TRNT1: variants seen among roughly 807,000 people sequenced by gnomAD.
TRNT1 encodes tRNA nucleotidyl transferase 1, also known as CCA tRNA nucleotidyltransferase 1, mitochondrial.
Under a neutral mutation model 45.6 loss-of-function variants are expected in TRNT1, and 44 were observed. The observed-to-expected ratio is 0.97, with a 90% CI of 0.76 to 1.24. TRNT1 has a LOEUF of 1.24. TRNT1 is among the 50% of genes most tolerant of loss of function. The pLI is 0.00. For synonymous variants in TRNT1, 201 were observed against 171.4 expected, an observed-to-expected ratio of 1.17 and a Z score of -1.35; for missense variants, 633 against 504.4, an observed-to-expected ratio of 1.25 and a Z score of -2.44.
intron 4 of TRNT1, 129 bp from the exon 5 acceptor site, chr3:3,144,455 G>T (rs150731252): frequency 3.7e-6 from 3 of 819,464 alleles, no homozygotes; most frequent in African/African-American, 3.5e-5. Context: ...GTATGAATAC[G>T]TATGTGTTTT....
chr3:3,136,554 T>C (rs1705336646), intron 2 of TRNT1: 2 of 397,792 alleles, frequency 5.0e-6, no homozygotes, highest in South Asian at 3.8e-5. Context: ...CCTCAACATC[T>C]ATCTGTAAAC....
In TRNT1 at chr3:3,148,965, T is replaced by G. The variant is rs949279148; in HGVS notation, c.*811T>G. The G allele has an allele frequency of 8.3e-6, 1 of 120,942 alleles. No individual in the cohort carries two copies. The highest frequency in any genetic ancestry group is 2.8e-5 in the African/African-American group (1 of 35,158). The allele number at this position is 120,942 out of a possible 1,614,324, so 7.5% of individuals were successfully genotyped here. ...AAAAGGATATGGCTATTATTATATA[T>G]TCTCTAAAGATTTGAGTCCTAAATG... On this transcript the variant is annotated 3_prime_UTR_variant, in exon 8 of 8. Transcript: ENST00000251607.
chr3:3,151,618 T>C (rs1448106305), downstream of TRNT1, among the ~76,000 whole-genome samples: 1 of 152,364 alleles, frequency 6.6e-6, no homozygotes, highest in Non-Finnish European at 1.5e-5. Flanking sequence ...TCCCTAGGTA[T>C]ACCATGCCAC....
At chr3:3,140,747 C>T (rs550833688) in intron 4 of TRNT1, 99 bp downstream of exon 4, 1 of 1,419,446 alleles carries the variant, frequency 7.0e-7, no homozygotes, top group African/African-American at 1.4e-5. Context: ...TGAGAAGTTG[C>T]ATTAATTTCT....
At chr3:3,147,419 A>AAAC (rs1559230815) in intron 6 of TRNT1, 31 bp from the exon 7 acceptor site, 1 of 1,606,604 alleles carries the variant, frequency 6.2e-7, no homozygotes, top group Admixed American at 1.7e-5. Flanking sequence ...TCCCCACTAA[A>AAAC]AACAGGTGAA....
intron 2 of TRNT1, chr3:3,129,839 A>G: frequency 2.6e-6 from 4 of 1,546,840 alleles, no homozygotes; most frequent in South Asian, 1.2e-5. Context: ...GTAACTACTA[A>G]CTAGAGAGCT....
At chr3:3,153,318 G>C (rs966469786), downstream of TRNT1, 24 of 715,808 alleles carry the variant, frequency 3.4e-5, no homozygotes, top group African/African-American at 2.7e-4. Flanking sequence ...TTTGCTAAAT[G>C]TTTGTAACTT....
chr3:3,135,200 G>A (rs1194973315), intron 2 of TRNT1, among the ~76,000 whole-genome samples: 5 of 152,144 alleles, frequency 3.3e-5, no homozygotes, highest in Admixed American at 3.3e-4. Flanking sequence ...GGAGTAAGTT[G>A]GGGAGGTGTT....
At chr3:3,143,896 CTTCA>C (rs1705817210) in intron 4 of TRNT1, among the ~76,000 whole-genome samples, 2 of 152,284 alleles carry the variant, frequency 1.3e-5, no homozygotes, top group South Asian at 4.1e-4. Context: ...GGTTGAAAAT[CTTCA>C]TTATTAAAGA....
At chr3:3,152,973 T>TA, downstream of TRNT1, 1 of 300,580 alleles carries the variant, frequency 3.3e-6, no homozygotes, top group Non-Finnish European at 6.3e-6. Context: ...GCAGTTTCCT[T>TA]ACCTTCTTGA....
In TRNT1 at chr3:3,126,990, G is replaced by C. The variant is rs1343177658; in HGVS notation, c.-28G>C. ...TGGCGGCTGCGGCAACAGCGGGGCC[G>C]GTAAGCGGGCGCGCGCCGCTCAGAG... On this transcript the variant is annotated splice_region_variant and 5_prime_UTR_variant, in exon 1 of 8. Coordinates refer to ENST00000251607, the MANE Select transcript of TRNT1 (RefSeq NM_182916.3). The C allele has an allele frequency of 6.5e-6, 1 of 152,962 alleles. No homozygotes were observed. Among genetic ancestry groups the C allele is most frequent in the African/African-American group, 2.4e-5 (1 of 41,484 alleles). The allele number at this position is 152,962 out of a possible 1,614,324, so 9.5% of individuals were successfully genotyped here.
chr3:3,150,848 A>C (rs1706484718), downstream of TRNT1: 3 of 1,484,424 alleles, frequency 2.0e-6, no homozygotes, highest in African/African-American at 1.4e-5. Flanking sequence ...AGATAACTTT[A>C]TCTCTATCAC....
At chr3:3,127,970 A>T (rs1704705609) in intron 1 of TRNT1, 1 of 152,236 alleles carries the variant, frequency 6.6e-6, no homozygotes, top group Non-Finnish European at 1.5e-5. Context: ...CGTGGAAAAT[A>T]TCCCAGACCG....
At chr3:3,140,856 G>T in intron 4 of TRNT1, 1 of 437,674 alleles carries the variant, frequency 2.3e-6, no homozygotes, top group Non-Finnish European at 4.1e-6. Context: ...GCCAAGGCAG[G>T]CGGATCATGG....
chr3:3,144,787 A>G lies in TRNT1; in HGVS notation c.608+77A>G, dbSNP rs899918592. 11 of 1,354,010 alleles carry G rather than the reference A, an allele frequency of 8.1e-6. No individual in the cohort carries two copies. The South Asian group carries it at 1.4e-4, about 17-fold the overall frequency. The allele number at this position is 1,354,010 out of a possible 1,614,324, so 83.9% of individuals were successfully genotyped here. A position where few individuals can be genotyped will look rare whatever the true frequency, so the allele number is the denominator to read the frequency against. The stretch of plus-strand genomic sequence containing the variant: ...ATAACAGTGGTCATACGAAACCCAC[A>G]GCAGGTCAGTGTACAAAATGGTGAC... On this transcript the variant is annotated intron_variant, in intron 5 of 7. Coordinates refer to ENST00000251607, the MANE Select transcript of TRNT1 (RefSeq NM_182916.3).
chr3:3,130,902 T>A (rs1206712801), intron 2 of TRNT1, among the ~76,000 whole-genome samples: 2 of 151,798 alleles, frequency 1.3e-5, no homozygotes, highest in Non-Finnish European at 2.9e-5. Context: ...GGCAACACGG[T>A]GAAACCCCAT....
chr3:3,140,366 G>T, intron 3 of TRNT1, 144 bp from the exon 4 acceptor site: 1 of 635,434 alleles, frequency 1.6e-6, no homozygotes, highest in Non-Finnish European at 2.6e-6. Context: ...CAATGTTTAG[G>T]TATGGTAGTT....
Position 3,144,611 on chromosome 3 carries a change from T to C in TRNT1, c.509T>C (p.Phe170Ser), listed in dbSNP as rs768128194. 73 of 1,587,054 alleles carry C rather than the reference T, an allele frequency of 4.6e-5. No individual in the cohort carries two copies. The highest frequency in any genetic ancestry group is 2.6e-5 in the Non-Finnish European group (30 of 1,161,520). The change falls in exon 5 of 8, where the codon TTT becomes TCT. Residue 170 changes from phenylalanine to serine, a missense_variant. By Grantham distance (155) the Phe-to-Ser change is radical. Coordinates refer to ENST00000251607, the MANE Select transcript of TRNT1 (RefSeq NM_182916.3). ...LGFDGTLFDY[F>S]NGYEDLKNKK... The stretch of plus-strand genomic sequence containing the variant: ...TTTGATGGCACTTTATTTGACTACT[T>C]TAATGGTTATGAAGATTTAAAAAAT...
In TRNT1 at chr3:3,144,647, G is replaced by T; in HGVS notation, c.545G>T (p.Arg182Ile). 1 of 1,583,546 alleles carries T rather than the reference G, an allele frequency of 6.3e-7. No homozygotes were observed. Among genetic ancestry groups the T allele is most frequent in the Non-Finnish European group, 8.6e-7 (1 of 1,157,312 alleles). Residue 182 changes from arginine (R) to isoleucine (I), a missense_variant, in exon 5 of 8, where the codon AGA becomes ATA. Coordinates refer to ENST00000251607, the MANE Select transcript of TRNT1 (RefSeq NM_182916.3). ...GAAGATTTAAAAAATAAGAAAGTTA[G>T]ATTTGTTGGACATGCTAAACAGAGA... ...GYEDLKNKKV[R>I]FVGHAKQRIQ...
Sources: allele counts gnomAD v4.1 joint callset (sites outside exome capture counted in the v4.1 genomes callset), GRCh38; gene constraint gnomAD v4.1.1; transcripts MANE v1.5; gene names NCBI Gene and HGNC (gene_info 2026-07-23, HGNC 2026-07-21).